Variants in CMTM4 observed in about 807,000 individuals in gnomAD.
CMTM4 encodes the protein CKLF like MARVEL transmembrane domain containing 4.
CMTM4 carries 8 observed loss-of-function variants against 19.0 expected under a neutral mutation model. That is an observed-to-expected ratio of 0.42 (90% CI 0.25 to 0.76). The LOEUF (loss-of-function observed/expected upper bound fraction) is 0.76, where lower values mean the gene tolerates loss of function less well. Ranked by LOEUF, CMTM4 falls within the 30% of genes least tolerant of loss-of-function variation. CMTM4 has a pLI of 0.27. For missense variants in CMTM4, 228 were observed against 290.2 expected (o/e 0.79, Z 1.56); for synonymous variants, 106 against 121.1 (o/e 0.88, Z 0.82).
intron 1 of CMTM4, among the ~76,000 whole-genome samples, chr16:66,637,393 A>C (rs545968921): frequency 1.3e-5 from 2 of 152,118 alleles, no homozygotes; most frequent in South Asian, 4.1e-4. Flanking sequence ...AAAAATACAA[A>C]ATCAGCCGGG....
At chr16:66,646,867 C>T (rs928263419) in intron 1 of CMTM4, among the ~76,000 whole-genome samples, 7 of 151,942 alleles carry the variant, frequency 4.6e-5, no homozygotes, top group Non-Finnish European at 8.8e-5. Context: ...CCACCACACC[C>T]GGCTAATTTT....
intron 1 of CMTM4, among the ~76,000 whole-genome samples, chr16:66,694,173 G>A (rs2017189220): frequency 6.6e-6 from 1 of 152,068 alleles, no homozygotes; most frequent in Non-Finnish European, 1.5e-5. Context: ...AATGCCACAG[G>A]CTTCCATCCC....
intron 1 of CMTM4, among the ~76,000 whole-genome samples, chr16:66,653,672 T>C (rs138060349): frequency 1.3e-5 from 2 of 152,342 alleles, no homozygotes; most frequent in African/African-American, 4.8e-5. Flanking sequence ...TGGGCACTTC[T>C]ATAAGCATTC....
intron 1 of CMTM4, among the ~76,000 whole-genome samples, chr16:66,678,909 C>G (rs2016856108): frequency 6.6e-6 from 1 of 151,946 alleles, no homozygotes; most frequent in Non-Finnish European, 1.5e-5. Context: ...TCAAGACCAG[C>G]CTGGGCAACA....
chr16:66,688,854 T>C (rs918657319), intron 1 of CMTM4, among the ~76,000 whole-genome samples: 3 of 152,246 alleles, frequency 2.0e-5, no homozygotes, highest in African/African-American at 7.2e-5. Flanking sequence ...GCAGATTCTA[T>C]ACATGTTTTG....
Position 66,619,189 on chromosome 16 carries a change from C to T in CMTM4, c.*2869G>A, listed in dbSNP as rs1369916364. ...AAAACATATTTCCCTCCCATGCCTT[C>T]AGCAGTGTGAAAGAAGGATATCAAA... On this transcript the variant is annotated 3_prime_UTR_variant, in exon 4 of 4. Coordinates refer to ENST00000394106, the MANE Select transcript of CMTM4 (RefSeq NM_181521.3). 2 of 985,476 alleles carry T rather than the reference C, an allele frequency of 2.0e-6. No homozygotes were observed. The highest frequency in any genetic ancestry group is 4.7e-5 in the South Asian group (1 of 21,290). 61.0% of individuals were successfully genotyped at this position (985,476 alleles called of 1,614,324 possible).
intron 1 of CMTM4, among the ~76,000 whole-genome samples, chr16:66,669,633 C>T (rs952796956): frequency 4.6e-5 from 7 of 152,112 alleles, no homozygotes; most frequent in Admixed American, 3.9e-4. Flanking sequence ...GCTCTGCCTC[C>T]CAGGTTCACG....
chr16:66,684,038 G>T (rs551840572), intron 1 of CMTM4, among the ~76,000 whole-genome samples: 2 of 152,276 alleles, frequency 1.3e-5, no homozygotes, highest in Admixed American at 1.3e-4. Context: ...TCAACCTGAA[G>T]TAATCGGTAT....
chr16:66,604,963 C>T, the CMTM4 span: 1 of 1,488,514 alleles, frequency 6.7e-7, no homozygotes, highest in Non-Finnish European at 8.9e-7. Flanking sequence ...GTGAGTGCGG[C>T]GGGACCCTCG....
chr16:66,618,856 C>T lies in CMTM4; in HGVS notation c.*3202G>A. ...AGGCGTGAGCCTTCCTGCCAGGGGACAGTAACAGGGCCCGAAGGGCTGGGG... is the reference window on the plus strand; with the variant it reads ...AGGCGTGAGCCTTCCTGCCAGGGGATAGTAACAGGGCCCGAAGGGCTGGGG... On this transcript the variant is annotated 3_prime_UTR_variant, in exon 4 of 4. Transcript: ENST00000394106. 2.0e-6 allele frequency: 2 copies of T among 985,514 alleles called. No individual in the cohort carries two copies. The highest frequency in any genetic ancestry group is 2.4e-6 in the Non-Finnish European group (2 of 829,966). The allele number at this position is 985,514 out of a possible 1,614,324, so 61.0% of individuals were successfully genotyped here.
chr16:66,673,537 CAGT>C (rs1204844716), intron 1 of CMTM4, among the ~76,000 whole-genome samples: 2 of 152,098 alleles, frequency 1.3e-5, no homozygotes, highest in African/African-American at 4.8e-5. Context: ...GAAAATGCCT[CAGT>C]GTGCACACTG....
the CMTM4 span, chr16:66,604,914 C>T: frequency 6.7e-7 from 1 of 1,489,468 alleles, no homozygotes; most frequent in Non-Finnish European, 8.9e-7. Flanking sequence ...GCGGGCTTTC[C>T]TCTGCTCTCT....
intron 1 of CMTM4, among the ~76,000 whole-genome samples, chr16:66,641,914 A>C (rs1247652999): frequency 1.3e-5 from 2 of 152,232 alleles, no homozygotes; most frequent in Non-Finnish European, 2.9e-5. Flanking sequence ...GTATGTCCAC[A>C]TATAGATGTT....
Position 66,619,106 on chromosome 16 carries a change from T to C in CMTM4, c.*2952A>G, listed in dbSNP as rs1442020808. 4 of 985,518 alleles carry C rather than the reference T, an allele frequency of 4.1e-6. No homozygotes were observed. Among genetic ancestry groups the C allele is most frequent in the Non-Finnish European group, 4.8e-6 (4 of 829,948 alleles). 61.0% of individuals were successfully genotyped at this position (985,518 alleles called of 1,614,324 possible). A position where few individuals can be genotyped will look rare whatever the true frequency, so the allele number is the denominator to read the frequency against. Reference sequence around the variant, plus strand: ...ACTGCATCTGTTCTTCCCAGCTTTATGTGGGGCCAACAAGTATCTCCAGCC... The same window carrying C: ...ACTGCATCTGTTCTTCCCAGCTTTACGTGGGGCCAACAAGTATCTCCAGCC... On this transcript the variant is annotated 3_prime_UTR_variant, in exon 4 of 4. Coordinates refer to ENST00000394106, the MANE Select transcript of CMTM4 (RefSeq NM_181521.3).
chr16:66,669,970 A>G (rs971369601), intron 1 of CMTM4, among the ~76,000 whole-genome samples: 1 of 152,230 alleles, frequency 6.6e-6, no homozygotes, highest in Non-Finnish European at 1.5e-5. Flanking sequence ...TTCAAAGTAG[A>G]GAATAAAGCC....
At chr16:66,634,003 C>T (rs1364581096) in intron 2 of CMTM4, among the ~76,000 whole-genome samples, 1 of 152,128 alleles carries the variant, frequency 6.6e-6, no homozygotes, top group Non-Finnish European at 1.5e-5. Context: ...GCCACCACCA[C>T]CCAGAGGAAA....
At chr16:66,668,278 G>A (rs1035821830) in intron 1 of CMTM4, among the ~76,000 whole-genome samples, 1 of 151,858 alleles carries the variant, frequency 6.6e-6, no homozygotes. Flanking sequence ...CAGAGTGCTG[G>A]GATTACAGGC....
At chr16:66,663,765 T>C (rs1334655133) in intron 1 of CMTM4, among the ~76,000 whole-genome samples, 4 of 151,862 alleles carry the variant, frequency 2.6e-5, no homozygotes, top group Non-Finnish European at 4.4e-5. Context: ...ATGGTCTCAA[T>C]CTCCTGACCT....
intron 1 of CMTM4, among the ~76,000 whole-genome samples, chr16:66,662,936 AGTGCAGTAAAGAC>A (rs2016524050): frequency 6.6e-6 from 1 of 152,216 alleles, no homozygotes; most frequent in South Asian, 2.1e-4. Context: ...GACCCTAAAC[AGTGCAGTAAAGAC>A]GTTGAGAATG....
Sources: gnomAD v4.1 joint callset for allele counts (sites outside exome capture counted in the v4.1 genomes callset) on GRCh38, gnomAD v4.1.1 for gene constraint, MANE v1.5 for transcripts, NCBI Gene and HGNC (gene_info 2026-07-23, HGNC 2026-07-21) for gene names.